SLC39A11: variants seen among roughly 807,000 people sequenced by gnomAD.
SLC39A11 encodes zinc transporter ZIP11.
SLC39A11 carries 33 observed loss-of-function variants against 36.1 expected under a neutral mutation model. That is an observed-to-expected ratio of 0.91 (90% CI 0.69 to 1.22). The LOEUF is 1.22. Ranked by LOEUF, SLC39A11 falls within the 50% of genes most tolerant of loss-of-function variation. The pLI is 0.00. For synonymous variants in SLC39A11, 166 were observed against 170.3 expected, an observed-to-expected ratio of 0.97 and a Z score of 0.20; for missense variants, 432 against 430.3, an observed-to-expected ratio of 1.00 and a Z score of -0.03.
At chr17:73,064,095 A>AG (rs397962080) in intron 3 of SLC39A11, among the ~76,000 whole-genome samples, 1 of 151,810 alleles carries the variant, frequency 6.6e-6, no homozygotes, top group East Asian at 1.9e-4. Context: ...CAAAAAAAAA[A>AG]GGAAATAAAA....
chr17:72,930,462 G>T (rs1178792607), intron 5 of SLC39A11, among the ~76,000 whole-genome samples: 1 of 152,198 alleles, frequency 6.6e-6, no homozygotes, highest in Non-Finnish European at 1.5e-5. Flanking sequence ...GTCTACGGCA[G>T]CAAAGGGAAG....
intron 3 of SLC39A11, among the ~76,000 whole-genome samples, chr17:73,032,085 C>T (rs1263881791): frequency 3.3e-5 from 5 of 152,172 alleles, no homozygotes; most frequent in African/African-American, 9.6e-5. Flanking sequence ...GAGGTTGCTA[C>T]TGGCATCTAA....
rs546002538 is a variant in SLC39A11, at chr17:72,948,858, A to C, written c.307-983T>G. ...AAGCTTGTGTTCCGCTTGGGAGTAA[A>C]TAAATGAATCCACAATGGGGTGGTA... On this transcript the variant is annotated intron_variant, in intron 4 of 9. Coordinates refer to ENST00000255559, the MANE Select transcript of SLC39A11 (RefSeq NM_139177.4). 4.6e-5 allele frequency among the ~76,000 whole-genome samples: 7 copies of C among 152,316 alleles called. No individual in the cohort carries two copies. In the South Asian group the frequency reaches 1.4e-3, roughly 32 times the overall value.
intron 4 of SLC39A11, among the ~76,000 whole-genome samples, chr17:73,004,169 AAG>A (rs1418420412): frequency 1.7e-5 from 1 of 58,428 alleles, no homozygotes; most frequent in African/African-American, 7.1e-5. Context: ...GAAAAAAAGA[AAG>A]AAAGAAAGAA....
At chr17:72,928,255 G>A (rs1330197552) in intron 5 of SLC39A11, among the ~76,000 whole-genome samples, 1 of 152,150 alleles carries the variant, frequency 6.6e-6, no homozygotes, top group Non-Finnish European at 1.5e-5. Flanking sequence ...TCACTAATTG[G>A]ATTCAGCCAA....
At chr17:72,696,583 T>C (rs1459244584) in intron 7 of SLC39A11, among the ~76,000 whole-genome samples, 1 of 152,126 alleles carries the variant, frequency 6.6e-6, no homozygotes, top group Non-Finnish European at 1.5e-5. Flanking sequence ...CTGTCTGACA[T>C]ATGAGACCCA....
intron 7 of SLC39A11, among the ~76,000 whole-genome samples, chr17:72,682,174 A>G (rs1229528300): frequency 6.6e-6 from 1 of 151,436 alleles, no homozygotes; most frequent in African/African-American, 2.5e-5. Flanking sequence ...TAGTTGCAGG[A>G]AAACAAGCTC....
At chr17:72,736,387 AGAGTACAGCTTGC>A (rs1479891311) in intron 7 of SLC39A11, among the ~76,000 whole-genome samples, 19 of 152,238 alleles carry the variant, frequency 1.2e-4, no homozygotes, top group African/African-American at 4.6e-4. Flanking sequence ...TGAAGTGCTT[AGAGTACAGCTTGC>A]GATTCTATCC....
In SLC39A11 at chr17:72,732,040, C is replaced by CTTTTTTTTTTTTT. The variant is rs764728558; in HGVS notation, c.671+4597_671+4609dup. 3.6e-4 allele frequency among the ~76,000 whole-genome samples: 12 copies of CTTTTTTTTTTTTT among 33,670 alleles called. 1 individual carries two copies. The highest frequency in any genetic ancestry group is 7.1e-4 in the African/African-American group (6 of 8,406). The allele number at this position is 33,670 out of a possible 152,430, so 22.1% of individuals were successfully genotyped here. Reference sequence around the variant, plus strand: ...TTTCTTTATTTTTTTCTTTTCTTTTCTTTTTTTTTTTTTTTTTTTTTTTTT... The same window carrying CTTTTTTTTTTTTT: ...TTTCTTTATTTTTTTCTTTTCTTTTCTTTTTTTTTTTTTTTTTTTTTTTTTTTTTTTTTTTTTT... On this transcript the variant is annotated intron_variant, in intron 7 of 9. Transcript: ENST00000255559.
intron 5 of SLC39A11, among the ~76,000 whole-genome samples, chr17:72,944,532 A>AAC (rs11440745): frequency 1.7e-3 from 259 of 151,160 alleles, no homozygotes; most frequent in Admixed American, 4.3e-3. Context: ...TTGCCTTTCA[A>AAC]ACACACACAC....
chr17:72,790,688 C>T (rs995048166), intron 6 of SLC39A11, among the ~76,000 whole-genome samples: 4 of 152,022 alleles, frequency 2.6e-5, no homozygotes, highest in African/African-American at 9.7e-5. Flanking sequence ...TGTGCCACCA[C>T]ACCCAGCTAA....
intron 6 of SLC39A11, among the ~76,000 whole-genome samples, chr17:72,809,164 C>A (rs2077354652): frequency 6.6e-6 from 1 of 151,594 alleles, no homozygotes; most frequent in Admixed American, 6.6e-5. Context: ...TTTCACTATT[C>A]CCAATTTCGG....
intron 3 of SLC39A11, among the ~76,000 whole-genome samples, chr17:73,083,496 T>C (rs1041518093): frequency 1.4e-4 from 21 of 152,098 alleles, no homozygotes; most frequent in Non-Finnish European, 1.9e-4. Context: ...AACCCACATA[T>C]TACACGCCTT....
At chr17:73,003,003 C>A (rs1361132092) in intron 4 of SLC39A11, among the ~76,000 whole-genome samples, 1 of 152,212 alleles carries the variant, frequency 6.6e-6, no homozygotes, top group Admixed American at 6.5e-5. Context: ...CCCATCTCCA[C>A]ATCCTTAACT....
intron 5 of SLC39A11, among the ~76,000 whole-genome samples, chr17:72,940,893 T>C (rs1353482070): frequency 6.6e-6 from 1 of 152,126 alleles, no homozygotes; most frequent in Non-Finnish European, 1.5e-5. Context: ...AATGTAACTG[T>C]AAGGGAGATA....
intron 4 of SLC39A11, among the ~76,000 whole-genome samples, chr17:72,956,901 T>G (rs536882365): frequency 6.6e-6 from 1 of 152,206 alleles, no homozygotes; most frequent in African/African-American, 2.4e-5. Flanking sequence ...CAGCCGGTTA[T>G]TATTGTTCTA....
chr17:72,658,021 G>T (rs1471900316), intron 7 of SLC39A11, among the ~76,000 whole-genome samples: 2 of 152,226 alleles, frequency 1.3e-5, no homozygotes, highest in African/African-American at 4.8e-5. Flanking sequence ...CAGAAGGGAT[G>T]GCCTCCCTGT....
At chr17:72,843,012 C>T (rs1015097513) in intron 6 of SLC39A11, among the ~76,000 whole-genome samples, 2 of 152,102 alleles carry the variant, frequency 1.3e-5, no homozygotes, top group African/African-American at 4.8e-5. Context: ...TGCCATGGTG[C>T]GATCTCGGCT....
At chr17:72,683,748 G>A (rs1464759598) in intron 7 of SLC39A11, among the ~76,000 whole-genome samples, 3 of 152,032 alleles carry the variant, frequency 2.0e-5, no homozygotes, top group African/African-American at 7.2e-5. Flanking sequence ...GCTAAAGACA[G>A]AGCCAAAAAA....
Sources: gnomAD v4.1 joint callset for allele counts (sites outside exome capture counted in the v4.1 genomes callset) on GRCh38, gnomAD v4.1.1 for gene constraint, MANE v1.5 for transcripts, NCBI Gene and HGNC (gene_info 2026-07-23, HGNC 2026-07-21) for gene names.